NCAM1: variants seen among roughly 807,000 people sequenced by gnomAD.
NCAM1 encodes neural cell adhesion molecule 1.
In NCAM1, 14 loss-of-function variants were observed where a neutral mutation model predicts 109.8. The ratio of observed to expected loss-of-function variants is 0.13; its 90% CI spans 0.08 to 0.20. The LOEUF (loss-of-function observed/expected upper bound fraction) is 0.20. Among genes scored for constraint, NCAM1 ranks in the 10% least tolerant of loss-of-function variants. NCAM1 has a pLI of 1.00. For synonymous variants in NCAM1, 418 were observed against 442.9 expected (o/e 0.94, Z 0.70); for missense variants, 774 against 1,109.9 (o/e 0.70, Z 4.30).
rs75811017 is a variant in NCAM1, at chr11:113,234,736, A to T, written c.1694-297A>T. ...GGTTGCCTTTCGGCTATTGTGAATG[A>T]TGCTGCTGTGAACATGGGTAGCCCA... On this transcript the variant is annotated intron_variant, in intron 13 of 19. Coordinates refer to ENST00000316851, the MANE Select transcript of NCAM1 (RefSeq NM_181351.5). 1.4e-3 allele frequency among the ~76,000 whole-genome samples: 209 copies of T among 152,316 alleles called. 3 individuals carry two copies. In the East Asian group the frequency reaches 0.038, roughly 28 times the overall value.
intron 17 of NCAM1, among the ~76,000 whole-genome samples, chr11:113,265,738 C>T (rs1179671209): frequency 6.6e-6 from 1 of 152,142 alleles, no homozygotes; most frequent in Non-Finnish European, 1.5e-5. Context: ...AACCCCAGCT[C>T]AACAGTTCCA....
chr11:113,205,468 G>A, intron 3 of NCAM1, 55 bp from the exon 4 acceptor site: 2 of 1,571,362 alleles, frequency 1.3e-6, no homozygotes, highest in Non-Finnish European at 1.7e-6. Context: ...CTAGTGAAAG[G>A]GGTTCTTTGT....
At chr11:113,226,240 A>G (rs1327448339) in intron 9 of NCAM1, among the ~76,000 whole-genome samples, 2 of 152,236 alleles carry the variant, frequency 1.3e-5, no homozygotes, top group African/African-American at 4.8e-5. Context: ...AGGAAGATCT[A>G]CCAAGCAAAT....
rs530427053 is a variant in NCAM1, at chr11:112,967,163, T to C, written c.52+5499T>C. Among the ~76,000 whole-genome samples the C allele has an allele frequency of 1.4e-4, 21 of 152,326 alleles. No homozygotes were observed. The East Asian group carries it at 3.3e-3, about 24-fold the overall frequency. On this transcript the variant is annotated intron_variant, in intron 1 of 19. Coordinates refer to ENST00000316851, the MANE Select transcript of NCAM1 (RefSeq NM_181351.5). ...GGGTAACAGCTGATCTTCCGTTTTC[T>C]ATTTGGCGTCATTCCTGAGATAAGG...
chr11:113,049,905 T>G (rs1555081512), intron 1 of NCAM1, among the ~76,000 whole-genome samples: 1 of 152,174 alleles, frequency 6.6e-6, no homozygotes, highest in East Asian at 1.9e-4. Flanking sequence ...TTGAGTTAGT[T>G]GTCTTAAAGG....
At chr11:113,116,630 A>G (rs1940723480) in intron 1 of NCAM1, among the ~76,000 whole-genome samples, 1 of 152,216 alleles carries the variant, frequency 6.6e-6, no homozygotes, top group African/African-American at 2.4e-5. Context: ...CCTGTCAAAC[A>G]TTAGTCTGCT....
intron 1 of NCAM1, among the ~76,000 whole-genome samples, chr11:113,100,729 G>C (rs918759722): frequency 1.3e-5 from 2 of 152,070 alleles, no homozygotes; most frequent in African/African-American, 2.4e-5. Flanking sequence ...TAGAAGATGT[G>C]GGGGGGTGGG....
chr11:113,056,006 TATATATATATATATATATAA>T, intron 1 of NCAM1, among the ~76,000 whole-genome samples: 1 of 122,228 alleles, frequency 8.2e-6, no homozygotes, highest in African/African-American at 3.4e-5. Context: ...TATATATATA[TATATATATATATATATATAA>T]AATATATATA....
chr11:113,211,797 G>T (rs1290048705), intron 7 of NCAM1, among the ~76,000 whole-genome samples: 3 of 152,182 alleles, frequency 2.0e-5, no homozygotes, highest in Non-Finnish European at 4.4e-5. Flanking sequence ...CTCTTCTTTG[G>T]CTAGGGTTGT....
chr11:113,135,473 A>T (rs1187232845), intron 1 of NCAM1, among the ~76,000 whole-genome samples: 1 of 151,928 alleles, frequency 6.6e-6, no homozygotes, highest in African/African-American at 2.4e-5. Flanking sequence ...AGAGCAAGAT[A>T]AAGATGCGCC....
intron 16 of NCAM1, among the ~76,000 whole-genome samples, chr11:113,258,305 G>T (rs1555122649): frequency 6.6e-6 from 1 of 152,236 alleles, no homozygotes; most frequent in African/African-American, 2.4e-5. Context: ...GGTGAGGGAG[G>T]TGGTTACCTA....
intron 17 of NCAM1, chr11:113,264,493 G>C (rs1479101489): frequency 1.5e-5 from 15 of 985,666 alleles, no homozygotes; most frequent in African/African-American, 8.7e-5. Flanking sequence ...CTTCACACCA[G>C]GGCAGTGGAG....
intron 1 of NCAM1, among the ~76,000 whole-genome samples, chr11:113,087,153 T>G (rs1939128861): frequency 6.6e-6 from 1 of 152,232 alleles, no homozygotes; most frequent in Non-Finnish European, 1.5e-5. Context: ...TGGTCTTTCT[T>G]TGCAAACAGA....
chr11:113,215,619 A>G (rs561700139), intron 8 of NCAM1, among the ~76,000 whole-genome samples: 1 of 152,380 alleles, frequency 6.6e-6, no homozygotes, highest in South Asian at 2.1e-4. Context: ...AAACTGCATC[A>G]AATGGAACAG....
chr11:113,002,335 A>G (rs1591234355), intron 1 of NCAM1, among the ~76,000 whole-genome samples: 1 of 152,188 alleles, frequency 6.6e-6, no homozygotes, highest in African/African-American at 2.4e-5. Flanking sequence ...ATCTAAAACT[A>G]TTTCCTGCTG....
At chr11:113,161,708 G>C (rs1255030209) in intron 1 of NCAM1, among the ~76,000 whole-genome samples, 1 of 152,158 alleles carries the variant, frequency 6.6e-6, no homozygotes, top group Non-Finnish European at 1.5e-5. Flanking sequence ...TGTAGTAAAA[G>C]AAACTCTTGT....
chr11:113,271,393 A>G (rs1382799126), intron 18 of NCAM1, among the ~76,000 whole-genome samples: 6 of 151,096 alleles, frequency 4.0e-5, no homozygotes, highest in Admixed American at 6.6e-5. Flanking sequence ...AAAAAAAAAA[A>G]AAAGAAAAGG....
At chr11:113,171,434 C>G (rs1555106218) in intron 1 of NCAM1, among the ~76,000 whole-genome samples, 1 of 152,072 alleles carries the variant, frequency 6.6e-6, no homozygotes, top group Non-Finnish European at 1.5e-5. Context: ...GAGTTCGAGA[C>G]AAGTCTGGCC....
chr11:112,975,071 T>C (rs1950972926), intron 1 of NCAM1, among the ~76,000 whole-genome samples: 1 of 151,950 alleles, frequency 6.6e-6, no homozygotes, highest in African/African-American at 2.4e-5. Flanking sequence ...TAGGGGTGCA[T>C]CAAAGGCAAA....
Sources: gnomAD v4.1 joint callset for allele counts (sites outside exome capture counted in the v4.1 genomes callset) on GRCh38, gnomAD v4.1.1 for gene constraint, MANE v1.5 for transcripts, NCBI Gene and HGNC (gene_info 2026-07-23, HGNC 2026-07-21) for gene names.